GLIS3: variants seen among roughly 807,000 people sequenced by gnomAD.
The protein encoded by GLIS3 is GLIS family zinc finger 3.
A neutral mutation model predicts 78.6 loss-of-function variants in GLIS3; 53 were observed. The ratio of observed to expected loss-of-function variants is 0.67; its 90% CI spans 0.54 to 0.85. The LOEUF is 0.85. GLIS3 is among the 40% of genes least tolerant of loss of function. The pLI is 0.00. For missense variants in GLIS3, 1,703 were observed against 1,231.1 expected, an observed-to-expected ratio of 1.38 and a Z score of -5.74; for synonymous variants, 684 against 509.9, an observed-to-expected ratio of 1.34 and a Z score of -4.60.
chr9:4,180,766 G>T (rs1186500032), intron 2 of GLIS3, among the ~76,000 whole-genome samples: 2 of 152,160 alleles, frequency 1.3e-5, no homozygotes, highest in Non-Finnish European at 2.9e-5. Context: ...CAAACTAGAG[G>T]TAAGTCCACC....
At chr9:4,319,711 G>A (rs1052248302) in intron 2 of GLIS3, among the ~76,000 whole-genome samples, 1 of 151,988 alleles carries the variant, frequency 6.6e-6, no homozygotes, top group African/African-American at 2.4e-5. Context: ...ATTTTGGGAG[G>A]TAGAGACAGG....
At chr9:3,917,955 T>C (rs1366619875) in intron 6 of GLIS3, among the ~76,000 whole-genome samples, 1 of 152,216 alleles carries the variant, frequency 6.6e-6, no homozygotes, top group Non-Finnish European at 1.5e-5. Flanking sequence ...GCGGCAATTT[T>C]ATGCTTTCTA....
chr9:4,397,899 A>C, the GLIS3 span, among the ~76,000 whole-genome samples: 1 of 152,074 alleles, frequency 6.6e-6, no homozygotes, highest in Non-Finnish European at 1.5e-5. Flanking sequence ...CAACTTCTGA[A>C]TATCTCTATA....
At chr9:4,336,025 G>A (rs1220070679) in intron 2 of GLIS3, among the ~76,000 whole-genome samples, 3 of 152,204 alleles carry the variant, frequency 2.0e-5, no homozygotes, top group Non-Finnish European at 2.9e-5. Context: ...GAGATGATGT[G>A]CTGTGAGATC....
At chr9:3,850,941 T>TGACACCTTCTTC (rs1248372548) in intron 9 of GLIS3, among the ~76,000 whole-genome samples, 12 of 152,260 alleles carry the variant, frequency 7.9e-5, no homozygotes, top group African/African-American at 2.9e-4. Context: ...GACCCTTCTT[T>TGACACCTTCTTC]GACACCTTCT....
At chr9:4,117,590 G>A (rs375159718) in intron 4 of GLIS3, among the ~76,000 whole-genome samples, 178 bp downstream of exon 4, 1 of 152,128 alleles carries the variant, frequency 6.6e-6, no homozygotes, top group Non-Finnish European at 1.5e-5. Context: ...TATAGCAATG[G>A]AGAGCCACTA....
intron 7 of GLIS3, among the ~76,000 whole-genome samples, chr9:3,887,549 A>G (rs1429610851): frequency 1.3e-5 from 2 of 152,170 alleles, no homozygotes; most frequent in African/African-American, 4.8e-5. Context: ...TTACAAACAG[A>G]TATTCCCCCA....
rs184332461 is a variant in GLIS3, at chr9:4,314,180, A to C, written n.265-3652T>G. Reference sequence around the variant, plus strand: ...GATGGTCATGAGGATTAAGTGAATTAATATTTATAAAATGTGTGAAATGAT... The same window carrying C: ...GATGGTCATGAGGATTAAGTGAATTCATATTTATAAAATGTGTGAAATGAT... On this transcript the variant is annotated intron_variant and non_coding_transcript_variant, in intron 2 of 4. Transcript: ENST00000471664. Among the ~76,000 whole-genome samples, 7 of 152,356 alleles carry C rather than the reference A, an allele frequency of 4.6e-5. 1 individual carries two copies. Among genetic ancestry groups the C allele is most frequent in the Non-Finnish European group, 8.8e-5 (6 of 68,042 alleles).
At chr9:4,488,750 T>A in the GLIS3 span, among the ~76,000 whole-genome samples, 1 of 152,184 alleles carries the variant, frequency 6.6e-6, no homozygotes, top group East Asian at 1.9e-4. Context: ...ACTCTTGACC[T>A]CAAGTGATCC....
chr9:3,959,332 G>C (rs116200253), intron 4 of GLIS3, among the ~76,000 whole-genome samples: 1 of 152,148 alleles, frequency 6.6e-6, no homozygotes, highest in Non-Finnish European at 1.5e-5. Context: ...CTTGATATTC[G>C]ATTTCCCAGC....
chr9:4,475,906 G>C, the GLIS3 span, among the ~76,000 whole-genome samples: 1 of 152,114 alleles, frequency 6.6e-6, no homozygotes, highest in African/African-American at 2.4e-5. Context: ...CCAGTTTCTT[G>C]TTTGTCTGTT....
intron 4 of GLIS3, among the ~76,000 whole-genome samples, chr9:3,987,761 CAAAAAAAAAAAAA>C (rs60986898): frequency 5.4e-3 from 56 of 10,464 alleles, no homozygotes; most frequent in Non-Finnish European, 6.5e-3. Flanking sequence ...CTGGATTTGG[CAAAAAAAAAAAAA>C]AAAAAAAAAA....
chr9:4,439,837 C>G, the GLIS3 span, among the ~76,000 whole-genome samples: 1 of 152,166 alleles, frequency 6.6e-6, no homozygotes, highest in Non-Finnish European at 1.5e-5. Context: ...CCCTACCACA[C>G]CAGGCTAATT....
At chr9:4,031,623 T>A (rs1241869340) in intron 4 of GLIS3, among the ~76,000 whole-genome samples, 1 of 152,216 alleles carries the variant, frequency 6.6e-6, no homozygotes, top group Non-Finnish European at 1.5e-5. Context: ...TAAAAATGAT[T>A]AATTTTATGC....
chr9:4,224,967 T>A (rs1048498467), intron 2 of GLIS3, among the ~76,000 whole-genome samples: 6 of 151,940 alleles, frequency 3.9e-5, no homozygotes, highest in Non-Finnish European at 8.8e-5. Flanking sequence ...ACAATATTTT[T>A]AAACTATAAT....
the GLIS3 span, among the ~76,000 whole-genome samples, chr9:4,426,101 C>G: frequency 6.6e-6 from 1 of 152,144 alleles, no homozygotes; most frequent in South Asian, 2.1e-4. Flanking sequence ...CCCTGACACC[C>G]ATCCATGAGT....
chr9:3,827,138 A>AAG lies in GLIS3; in HGVS notation c.*1132_*1133dup, dbSNP rs762860564. The AAG allele has an allele frequency of 1.3e-5, 2 of 152,214 alleles. No homozygotes were observed. The highest frequency in any genetic ancestry group is 4.8e-5 in the African/African-American group (2 of 41,464). 9.4% of individuals were successfully genotyped at this position (152,214 alleles called of 1,614,324 possible). A position where few individuals can be genotyped will look rare whatever the true frequency, so the allele number is the denominator to read the frequency against. On this transcript the variant is annotated 3_prime_UTR_variant, in exon 11 of 11. Transcript: ENST00000381971. ...TGGGGATATATGAACCACAGTCAGG[A>AAG]AGAGGGTAAGAGGGATGCAAAAAGA...
chr9:4,483,489 G>A, the GLIS3 span, among the ~76,000 whole-genome samples: 4 of 152,236 alleles, frequency 2.6e-5, no homozygotes, highest in East Asian at 7.7e-4. Flanking sequence ...GGAGGCCAAG[G>A]TGGGCAGATC....
intron 9 of GLIS3, among the ~76,000 whole-genome samples, chr9:3,839,423 T>C (rs574800025): frequency 1.3e-4 from 20 of 152,336 alleles, no homozygotes; most frequent in African/African-American, 4.6e-4. Flanking sequence ...AAAAATATTT[T>C]GGTTAGTGTT....
Sources: allele counts gnomAD v4.1 joint callset (sites outside exome capture counted in the v4.1 genomes callset), GRCh38; gene constraint gnomAD v4.1.1; transcripts MANE v1.5; gene names NCBI Gene and HGNC (gene_info 2026-07-23, HGNC 2026-07-21).